BABAM2: variants seen among roughly 807,000 people sequenced by gnomAD.
The protein encoded by BABAM2 is BRISC and BRCA1 A complex member 2.
Under a neutral mutation model 54.7 loss-of-function variants are expected in BABAM2, and 31 were observed. That is an observed-to-expected ratio of 0.57 (90% CI 0.43 to 0.77). The LOEUF (loss-of-function observed/expected upper bound fraction) is 0.77. Among genes scored for constraint, BABAM2 ranks in the 30% least tolerant of loss-of-function variants. BABAM2 has a pLI of 0.00. For synonymous variants in BABAM2, 167 were observed against 162.9 expected, an observed-to-expected ratio of 1.03 and a Z score of -0.19; for missense variants, 364 against 455.8, an observed-to-expected ratio of 0.80 and a Z score of 1.83.
At chr2:28,326,078 C>G (rs1690426843) in intron 11 of BABAM2, among the ~76,000 whole-genome samples, 1 of 152,206 alleles carries the variant, frequency 6.6e-6, no homozygotes, top group Non-Finnish European at 1.5e-5. Flanking sequence ...GACCCACATT[C>G]CAGGTTCAGC....
At chr2:28,067,467 A>T (rs1185147006) in intron 6 of BABAM2, among the ~76,000 whole-genome samples, 1 of 152,192 alleles carries the variant, frequency 6.6e-6, no homozygotes. Flanking sequence ...TCCACATTAC[A>T]ATTTCTATCT....
At chr2:28,117,900 A>G (rs1668742868) in intron 6 of BABAM2, among the ~76,000 whole-genome samples, 1 of 152,204 alleles carries the variant, frequency 6.6e-6, no homozygotes, top group Admixed American at 6.5e-5. Context: ...CCTATCCATT[A>G]AAAGAGCCAC....
intron 3 of BABAM2, among the ~76,000 whole-genome samples, chr2:27,950,121 AC>A (rs1234737199): frequency 6.6e-6 from 1 of 152,210 alleles, no homozygotes; most frequent in East Asian, 1.9e-4. Context: ...TGGAAAAATG[AC>A]CTTTCCTTAA....
chr2:27,924,686 C>T (rs996946458), intron 2 of BABAM2, among the ~76,000 whole-genome samples: 1 of 152,154 alleles, frequency 6.6e-6, no homozygotes, highest in African/African-American at 2.4e-5. Context: ...TGCCCTGCCC[C>T]TATGCTCTTT....
chr2:27,933,694 A>C (rs1253909454), intron 3 of BABAM2, among the ~76,000 whole-genome samples: 3 of 148,892 alleles, frequency 2.0e-5, no homozygotes, highest in African/African-American at 5.0e-5. Flanking sequence ...CGATCTCTTG[A>C]CCTCATCATC....
At chr2:28,255,524 C>T (rs1683895600) in intron 10 of BABAM2, among the ~76,000 whole-genome samples, 1 of 152,190 alleles carries the variant, frequency 6.6e-6, no homozygotes, top group African/African-American at 2.4e-5. Flanking sequence ...ATCCACCCAC[C>T]TTGGCCTGCC....
intron 11 of BABAM2, among the ~76,000 whole-genome samples, chr2:28,301,834 A>G (rs1447694968): frequency 6.6e-6 from 1 of 152,214 alleles, no homozygotes; most frequent in Non-Finnish European, 1.5e-5. Flanking sequence ...AACCATGAGT[A>G]CTTTGAAGGA....
intron 3 of BABAM2, among the ~76,000 whole-genome samples, chr2:27,938,457 T>A (rs1473324147): frequency 6.6e-6 from 1 of 151,854 alleles, no homozygotes; most frequent in Non-Finnish European, 1.5e-5. Flanking sequence ...AGTGGCACGG[T>A]CTCGGCTCAC....
intron 6 of BABAM2, among the ~76,000 whole-genome samples, chr2:28,084,356 G>A (rs942980033): frequency 2.0e-5 from 3 of 152,182 alleles, no homozygotes; most frequent in Non-Finnish European, 2.9e-5. Flanking sequence ...GATGTGAGTG[G>A]TAAAGGCAGA....
At chr2:27,978,790 C>G (rs1268552230) in intron 3 of BABAM2, among the ~76,000 whole-genome samples, 1 of 152,130 alleles carries the variant, frequency 6.6e-6, no homozygotes, top group East Asian at 1.9e-4. Flanking sequence ...TCACCCTCCT[C>G]TCACCCTCCA....
At chr2:28,256,304 T>C (rs1683970298) in intron 10 of BABAM2, among the ~76,000 whole-genome samples, 1 of 152,200 alleles carries the variant, frequency 6.6e-6, no homozygotes, top group South Asian at 2.1e-4. Context: ...CAATTTGATA[T>C]AAAAATACCT....
chr2:28,067,970 C>T (rs769583995), intron 6 of BABAM2, among the ~76,000 whole-genome samples: 4 of 151,592 alleles, frequency 2.6e-5, no homozygotes, highest in Admixed American at 6.6e-5. Flanking sequence ...ATAATATATG[C>T]GTGTATGTAA....
At chr2:28,283,064 A>G (rs1380542469) in intron 10 of BABAM2, among the ~76,000 whole-genome samples, 1 of 150,876 alleles carries the variant, frequency 6.6e-6, no homozygotes, top group Non-Finnish European at 1.5e-5. Flanking sequence ...TATTATCTGT[A>G]GTAAGAGATC....
chr2:28,034,538 A>G (rs949558149), intron 5 of BABAM2, among the ~76,000 whole-genome samples: 2 of 152,192 alleles, frequency 1.3e-5, no homozygotes, highest in Non-Finnish European at 2.9e-5. Context: ...TTAATCATAA[A>G]GTTACCATAT....
chr2:28,110,503 A>G (rs1189119427), intron 6 of BABAM2, among the ~76,000 whole-genome samples: 1 of 152,084 alleles, frequency 6.6e-6, no homozygotes, highest in Non-Finnish European at 1.5e-5. Context: ...AGGTGCCTGT[A>G]ATCCCAGCTA....
intron 7 of BABAM2, among the ~76,000 whole-genome samples, chr2:28,225,253 G>A (rs957899495): frequency 6.6e-6 from 1 of 152,330 alleles, no homozygotes; most frequent in Non-Finnish European, 1.5e-5. Flanking sequence ...AAGGCTGAGT[G>A]CTATGGGTTC....
rs1177883975 is a variant in BABAM2, at chr2:27,965,783, CTTAT to C, written c.206-22207_206-22204del. Among the ~76,000 whole-genome samples, 3 of 152,292 alleles carry C rather than the reference CTTAT, an allele frequency of 2.0e-5. 1 individual carries two copies. Among genetic ancestry groups the C allele is most frequent in the Admixed American group, 2.0e-4 (3 of 15,290 alleles). ...ATAGGTTGATATGTCATTTAGCTCT[CTTAT>C]TTGCAGTTATCTTGTTCCCTTATTC... is the stretch of plus-strand genomic sequence containing the variant. On this transcript the variant is annotated intron_variant, in intron 3 of 11. Transcript: ENST00000379624.
intron 11 of BABAM2, among the ~76,000 whole-genome samples, chr2:28,312,118 G>A (rs150636120): frequency 1.1e-4 from 17 of 152,268 alleles, no homozygotes; most frequent in South Asian, 2.1e-4. Context: ...GGGCCAAGCC[G>A]CTTGTTTCTA....
At chr2:28,055,947 G>A (rs1397760964) in intron 6 of BABAM2, among the ~76,000 whole-genome samples, 1 of 152,154 alleles carries the variant, frequency 6.6e-6, no homozygotes, top group Non-Finnish European at 1.5e-5. Context: ...CCACAACATG[G>A]GTGAGCCTGG....
Sources: allele counts gnomAD v4.1 joint callset (sites outside exome capture counted in the v4.1 genomes callset), GRCh38; gene constraint gnomAD v4.1.1; transcripts MANE v1.5; gene names NCBI Gene and HGNC (gene_info 2026-07-23, HGNC 2026-07-21).